The following HACE1 variants were observed in gnomAD, a reference collection of about 807,000 sequenced individuals.
HACE1 encodes E3 ubiquitin-protein ligase HACE1.
In HACE1, 73 loss-of-function variants were observed where a neutral mutation model predicts 118.4. The ratio of observed to expected loss-of-function variants is 0.62; its 90% CI spans 0.51 to 0.75. HACE1 has a LOEUF of 0.75. Among genes scored for constraint, HACE1 ranks in the 30% least tolerant of loss-of-function variants. The pLI is 0.00. For synonymous variants in HACE1, 368 were observed against 374.8 expected, an observed-to-expected ratio of 0.98 and a Z score of 0.21; for missense variants, 749 against 1,102.2, an observed-to-expected ratio of 0.68 and a Z score of 4.54.
chr6:104,857,697 T>G (rs1425108820), intron 1 of HACE1, among the ~76,000 whole-genome samples: 1 of 150,146 alleles, frequency 6.7e-6, no homozygotes, highest in Non-Finnish European at 1.5e-5. Context: ...GGCTCACGCC[T>G]GTAATCCCCC....
At chr6:104,802,704 C>T (rs1582549335) in intron 7 of HACE1, among the ~76,000 whole-genome samples, 1 of 152,142 alleles carries the variant, frequency 6.6e-6, no homozygotes, top group Admixed American at 6.5e-5. Context: ...CTCTGGGACA[C>T]ATTTAAAGCA....
chr6:104,735,529 G>A (rs1440064148), intron 22 of HACE1, among the ~76,000 whole-genome samples: 2 of 151,992 alleles, frequency 1.3e-5, no homozygotes, highest in Non-Finnish European at 1.5e-5. Context: ...TACTTGGGAG[G>A]CTGAGGCAGG....
intron 7 of HACE1, among the ~76,000 whole-genome samples, chr6:104,800,766 G>C (rs757259655): frequency 7.2e-5 from 11 of 152,306 alleles, no homozygotes; most frequent in Middle Eastern, 3.4e-3. Context: ...AGAGAAACCA[G>C]AGCAGAAAAG....
Position 104,791,518 on chromosome 6 carries a change from T to C in HACE1, c.1060A>G (p.Ser354Gly). ...MGYNGNKTPR[S>G]QVFKPLELLW... Reference sequence around the variant, plus strand: ...ACTTTTCTCACCTTGAACACCTGGCTTCTTGGAGTTTTATTCCCATTGTAG... The same window carrying C: ...ACTTTTCTCACCTTGAACACCTGGCCTCTTGGAGTTTTATTCCCATTGTAG... The change falls in exon 11 of 24, where the codon AGC becomes GGC. Residue 354 changes from serine to glycine, a missense_variant. By Grantham distance (56) the Ser-to-Gly change is moderately conservative (BLOSUM62 0). This residue lies in a region of HACE1 where 267 missense variants were observed against 312.2 expected (regional missense o/e 0.86). Transcript: ENST00000262903. 1 of 1,613,236 alleles carries C rather than the reference T, an allele frequency of 6.2e-7. No homozygotes were observed. The highest frequency in any genetic ancestry group is 8.5e-7 in the Non-Finnish European group (1 of 1,179,252).
chr6:104,837,149 T>C (rs1328479482), intron 5 of HACE1, among the ~76,000 whole-genome samples: 1 of 152,180 alleles, frequency 6.6e-6, no homozygotes, highest in Non-Finnish European at 1.5e-5. Context: ...GACAAGTTTA[T>C]TCTAAAATTT....
intron 7 of HACE1, among the ~76,000 whole-genome samples, chr6:104,805,110 A>G (rs950439186): frequency 6.6e-6 from 1 of 152,228 alleles, no homozygotes; most frequent in Non-Finnish European, 1.5e-5. Flanking sequence ...AAAAATGCTC[A>G]TCGTCACTGG....
chr6:104,800,435 T>G (rs534892784), intron 7 of HACE1, among the ~76,000 whole-genome samples: 57 of 152,274 alleles, frequency 3.7e-4, no homozygotes, highest in African/African-American at 1.3e-3. Flanking sequence ...GACCCCTGTG[T>G]AGCCTAACTA....
chr6:104,796,187 T>A (rs1178907349), intron 9 of HACE1, among the ~76,000 whole-genome samples: 2 of 152,182 alleles, frequency 1.3e-5, no homozygotes, highest in East Asian at 3.8e-4. Context: ...CTCGGCTCAC[T>A]GCAGGCTCAA....
At chr6:104,735,809 T>C (rs1430128114) in intron 22 of HACE1, among the ~76,000 whole-genome samples, 7 of 152,036 alleles carry the variant, frequency 4.6e-5, no homozygotes, top group African/African-American at 1.7e-4. Context: ...AATCAGACTG[T>C]CCCACAAGGA....
chr6:104,796,846 CTTTCAT>C (rs1453170184), intron 8 of HACE1, 77 bp downstream of exon 8: 1 of 1,090,218 alleles, frequency 9.2e-7, no homozygotes, highest in Non-Finnish European at 1.4e-6. Flanking sequence ...TGCACCTACC[CTTTCAT>C]TGAAAAAATA....
At chr6:104,761,795 T>C (rs1582335716) in intron 19 of HACE1, among the ~76,000 whole-genome samples, 1 of 152,112 alleles carries the variant, frequency 6.6e-6, no homozygotes, top group Non-Finnish European at 1.5e-5. Context: ...CTGCAATCTA[T>C]CCATCTGACA....
intron 20 of HACE1, among the ~76,000 whole-genome samples, chr6:104,748,492 C>T (rs1172023156): frequency 1.3e-5 from 2 of 152,170 alleles, no homozygotes; most frequent in East Asian, 1.9e-4. Context: ...GGAGTGTAAA[C>T]TGATGCATCA....
At chr6:104,840,616 G>A (rs1197681189) in intron 5 of HACE1, among the ~76,000 whole-genome samples, 1 of 152,126 alleles carries the variant, frequency 6.6e-6, no homozygotes, top group African/African-American at 2.4e-5. Flanking sequence ...ATCACCTGAG[G>A]TCAGGAGTTC....
chr6:104,806,400 T>G (rs1771000737), intron 7 of HACE1, among the ~76,000 whole-genome samples: 1 of 152,196 alleles, frequency 6.6e-6, no homozygotes, highest in Non-Finnish European at 1.5e-5. Context: ...AGTTGGAGGT[T>G]GCAGTGAGTT....
intron 14 of HACE1, among the ~76,000 whole-genome samples, chr6:104,782,056 TTAAAAG>T (rs1582441581): frequency 6.8e-6 from 1 of 147,554 alleles, no homozygotes. Flanking sequence ...AATTTGGCAA[TTAAAAG>T]TAACTGCCAA....
chr6:104,859,704 G>A lies in HACE1; in HGVS notation c.-62C>T. On this transcript the variant is annotated 5_prime_UTR_variant, in exon 1 of 24. Coordinates refer to ENST00000262903, the MANE Select transcript of HACE1 (RefSeq NM_020771.4). ...GCCCCACCGGCGGCCTCCGCGCCCA[G>A]AGCCCTACATCTCGCCTGGGCCCGT... The A allele has an allele frequency of 9.2e-6, 13 of 1,416,954 alleles. 1 individual carries two copies. Among genetic ancestry groups the A allele is most frequent in the South Asian group, 8.7e-5 (7 of 80,204 alleles). The allele number at this position is 1,416,954 out of a possible 1,614,324, so 87.8% of individuals were successfully genotyped here.
At chr6:104,754,895 C>A (rs1468924412) in intron 19 of HACE1, among the ~76,000 whole-genome samples, 1 of 152,148 alleles carries the variant, frequency 6.6e-6, no homozygotes, top group African/African-American at 2.4e-5. Context: ...TGCAAAATAA[C>A]CAGCTAGCAT....
At chr6:104,811,504 C>A in intron 6 of HACE1, 111 bp from the exon 7 acceptor site, 1 of 627,790 alleles carries the variant, frequency 1.6e-6, no homozygotes, top group Non-Finnish European at 3.1e-6. Context: ...TGAAGCTTTA[C>A]ATAGGAACTG....
intron 6 of HACE1, among the ~76,000 whole-genome samples, chr6:104,829,039 T>A (rs2115061791): frequency 6.6e-6 from 1 of 152,056 alleles, no homozygotes; most frequent in Middle Eastern, 3.4e-3. Flanking sequence ...TTAATGGAAT[T>A]TTTTCCCCAT....
Sources: allele counts gnomAD v4.1 joint callset (sites outside exome capture counted in the v4.1 genomes callset), GRCh38; gene constraint gnomAD v4.1.1; regional missense constraint gnomAD v4.1.1; transcripts MANE v1.5; gene names NCBI Gene and HGNC (gene_info 2026-07-23, HGNC 2026-07-21).